Variants in MEGF10 observed in about 807,000 individuals in gnomAD.
The protein encoded by MEGF10 is multiple EGF like domains 10.
Under a neutral mutation model 147.5 loss-of-function variants are expected in MEGF10, and 86 were observed. The ratio of observed to expected loss-of-function variants is 0.58; its 90% CI spans 0.49 to 0.70. MEGF10 has a LOEUF of 0.70. Among genes scored for constraint, MEGF10 ranks in the 30% least tolerant of loss-of-function variants. The pLI, the probability that MEGF10 is intolerant of heterozygous loss-of-function variation, is 0.00. For synonymous variants in MEGF10, 478 were observed against 525.5 expected (o/e 0.91, Z 1.24); for missense variants, 1,329 against 1,487.3 (o/e 0.89, Z 1.75).
intron 2 of MEGF10, among the ~76,000 whole-genome samples, chr5:127,331,645 G>T (rs1370066487): frequency 1.3e-5 from 2 of 152,108 alleles, no homozygotes; most frequent in Admixed American, 6.6e-5. Context: ...TAATTCTAAT[G>T]CAGGTGCAAT....
At chr5:127,311,744 G>A (rs192641316) in intron 1 of MEGF10, among the ~76,000 whole-genome samples, 40 of 152,270 alleles carry the variant, frequency 2.6e-4, no homozygotes, top group African/African-American at 9.4e-4. Flanking sequence ...TCCCTCACTC[G>A]CCTATGTATA....
intron 24 of MEGF10, among the ~76,000 whole-genome samples, chr5:127,455,835 G>A (rs748673253): frequency 8.6e-5 from 13 of 151,926 alleles, no homozygotes; most frequent in Non-Finnish European, 1.8e-4. Flanking sequence ...TACCTCCCGG[G>A]CTCAAGCCAT....
At chr5:127,428,117 C>T (rs1286453383) in intron 13 of MEGF10, among the ~76,000 whole-genome samples, 1 of 148,302 alleles carries the variant, frequency 6.7e-6, no homozygotes, top group Non-Finnish European at 1.5e-5. Flanking sequence ...TGGGTCCAGA[C>T]TGAGGCAGGC....
chr5:127,265,183 T>A, the MEGF10 span, among the ~76,000 whole-genome samples: 1 of 152,182 alleles, frequency 6.6e-6, no homozygotes. Flanking sequence ...TTTTTTGTTC[T>A]TGAGATAGTT....
At chr5:127,265,086 G>C in the MEGF10 span, among the ~76,000 whole-genome samples, 1 of 152,206 alleles carries the variant, frequency 6.6e-6, no homozygotes, top group Non-Finnish European at 1.5e-5. Context: ...CACCACAACA[G>C]GCCCCAGTGT....
the MEGF10 span, among the ~76,000 whole-genome samples, chr5:127,230,133 C>G: frequency 1.3e-5 from 2 of 152,014 alleles, no homozygotes; most frequent in Non-Finnish European, 2.9e-5. Flanking sequence ...GTGTGAAGTA[C>G]TATGGCCATC....
At position 127,445,512 on chromosome 5, in the gene MEGF10, C is replaced by G. The variant is rs766713197; in HGVS notation, c.2547C>G (p.Leu849=). 53 of 1,614,016 alleles carry G rather than the reference C, an allele frequency of 3.3e-5. 1 individual carries two copies. The South Asian group carries it at 5.5e-4, about 17-fold the overall frequency. The change falls in exon 20 of 25, where the codon CTC becomes CTG. Residue 849 remains leucine (L), a synonymous_variant. Transcript: ENST00000503335. ...LNSLSRTSTA[L]PADSYQIGAI... The stretch of plus-strand genomic sequence containing the variant: ...GCTTAAGCCGAACCAGTACTGCTCT[C>G]CCTGCTGATTCCTACCAGATCGGGG...
At position 127,396,775 on chromosome 5, in the gene MEGF10, C is replaced by A; in HGVS notation, c.656C>A (p.Ala219Asp). Residue 219 changes from alanine to aspartate, a missense_variant, in exon 6 of 25, where the codon GCC becomes GAC. By Grantham distance (126) the Ala-to-Asp change is moderately radical (BLOSUM62 -2). Transcript: ENST00000503335. ...CGCTGCCCACCAGGATACACCGGAGCCTTGTAAGTCACATGCTGCCCAGCA... is the reference window on the plus strand; with the variant it reads ...CGCTGCCCACCAGGATACACCGGAGACTTGTAAGTCACATGCTGCCCAGCA... Reference protein sequence around the residue: ...ECRCPPGYTGAFCEDLCPPGK... With the variant: ...ECRCPPGYTGDFCEDLCPPGK... 6.2e-7 allele frequency: 1 copy of A among 1,612,094 alleles called. No homozygotes were observed. Among genetic ancestry groups the A allele is most frequent in the Non-Finnish European group, 8.5e-7 (1 of 1,178,768 alleles).
intron 9 of MEGF10, 141 bp from the exon 10 acceptor site, chr5:127,417,497 C>T (rs1764820835): frequency 1.2e-6 from 1 of 812,002 alleles, no homozygotes; most frequent in South Asian, 1.7e-5. Context: ...TTAAATCATA[C>T]CAAGCCTGGG....
chr5:127,386,123 A>G (rs1763422688), intron 5 of MEGF10, among the ~76,000 whole-genome samples: 1 of 152,222 alleles, frequency 6.6e-6, no homozygotes, highest in Non-Finnish European at 1.5e-5. Flanking sequence ...ACAAACAAAC[A>G]AAACAAACAA....
Position 127,419,118 on chromosome 5 carries a change from A to G in MEGF10, c.1306-2A>G. 6.2e-7 allele frequency: 1 copy of G among 1,604,048 alleles called. No homozygotes were observed. The highest frequency in any genetic ancestry group is 1.1e-5 in the South Asian group (1 of 88,298). On this transcript the variant is annotated splice_acceptor_variant, in intron 10 of 24. Coordinates refer to ENST00000503335, the MANE Select transcript of MEGF10 (RefSeq NM_001256545.2). LOFTEE classifies it high-confidence loss of function. ...TGCATTTTGCTACTTGTGCCTGTCT[A>G]GGGAATTGACTGCTCTACCCCATGC...
At chr5:127,243,447 C>G in the MEGF10 span, among the ~76,000 whole-genome samples, 1 of 152,140 alleles carries the variant, frequency 6.6e-6, no homozygotes. Flanking sequence ...AATAACTTTC[C>G]TATTTCTCTG....
chr5:127,397,912 G>C (rs1763981021), intron 6 of MEGF10, among the ~76,000 whole-genome samples: 1 of 152,164 alleles, frequency 6.6e-6, no homozygotes, highest in African/African-American at 2.4e-5. Context: ...CATGTCCTTT[G>C]CAGGGACATG....
chr5:127,305,422 C>T (rs1045400731), intron 1 of MEGF10, among the ~76,000 whole-genome samples: 13 of 152,100 alleles, frequency 8.5e-5, no homozygotes, highest in Non-Finnish European at 1.6e-4. Context: ...AAACACTTCA[C>T]CTAGCCTAGG....
At chr5:127,263,362 T>G in the MEGF10 span, among the ~76,000 whole-genome samples, 2 of 151,904 alleles carry the variant, frequency 1.3e-5, no homozygotes, top group African/African-American at 4.8e-5. Flanking sequence ...AAGCAGGACA[T>G]TCATGCCTTT....
the MEGF10 span, among the ~76,000 whole-genome samples, chr5:127,257,734 A>G: frequency 6.6e-6 from 1 of 152,198 alleles, no homozygotes; most frequent in African/African-American, 2.4e-5. Context: ...AACACTTTCA[A>G]GCATTATAAG....
At chr5:127,392,203 T>C (rs1384239578) in intron 5 of MEGF10, among the ~76,000 whole-genome samples, 1 of 152,152 alleles carries the variant, frequency 6.6e-6, no homozygotes, top group Non-Finnish European at 1.5e-5. Flanking sequence ...TATTTCTACT[T>C]CTTTTTGTTG....
intron 1 of MEGF10, among the ~76,000 whole-genome samples, chr5:127,321,883 A>G (rs1459246341): frequency 6.6e-6 from 1 of 152,030 alleles, no homozygotes; most frequent in East Asian, 1.9e-4. Context: ...GATGATGCTC[A>G]AGTACCCTGC....
At chr5:127,408,371 AACAG>A (rs1764415033) in intron 8 of MEGF10, among the ~76,000 whole-genome samples, 1 of 152,216 alleles carries the variant, frequency 6.6e-6, no homozygotes, top group South Asian at 2.1e-4. Flanking sequence ...AAGAAAATCT[AACAG>A]ACAGGTTGAA....
Sources: gnomAD v4.1 joint callset for allele counts (sites outside exome capture counted in the v4.1 genomes callset) on GRCh38, gnomAD v4.1.1 for gene constraint, MANE v1.5 for transcripts, NCBI Gene and HGNC (gene_info 2026-07-23, HGNC 2026-07-21) for gene names.